Variants in ZNF747 observed in about 807,000 individuals in gnomAD.
ZNF747 encodes the protein zinc finger protein 747.
ZNF747 carries 14 observed loss-of-function variants against 13.4 expected under a neutral mutation model. The ratio of observed to expected loss-of-function variants is 1.04; its 90% CI spans 0.69 to 1.63. The LOEUF is 1.63. Among genes scored for constraint, ZNF747 ranks in the 40% most tolerant of loss-of-function variants. The pLI is 0.00. For synonymous variants in ZNF747, 212 were observed against 206.5 expected (o/e 1.03, Z -0.23); for missense variants, 532 against 477.9 (o/e 1.11, Z -1.05).
chr16:30,534,573 G>A lies in ZNF747; in HGVS notation c.107C>T (p.Ala36Val), dbSNP rs2051429858. ...CACGGCCACGTCGGCGAAGCTCACGGCCCCGGGCTTTCTCCACTCGGATCC... is the reference window on the plus strand; with the variant it reads ...CACGGCCACGTCGGCGAAGCTCACGACCCCGGGCTTTCTCCACTCGGATCC... ...GAGSEWRKPG[A>V]VSFADVAVYF... Residue 36 changes from alanine to valine, a missense_variant, in exon 1 of 3, where the codon GCC becomes GTC. Transcript: ENST00000693075. The A allele has an allele frequency of 6.2e-7, 1 of 1,604,726 alleles. No individual in the cohort carries two copies. Among genetic ancestry groups the A allele is most frequent in the Non-Finnish European group, 8.5e-7 (1 of 1,176,692 alleles).
chr16:30,532,614 C>T lies in ZNF747; in HGVS notation c.881G>A (p.Gly294Glu), dbSNP rs1363520702. ...CCCCCCAGGGCGCCGGCCCCTACGCCCCTCGCCCCCGGGCCGATGGACCCA... is the reference window on the plus strand; with the variant it reads ...CCCCCCAGGGCGCCGGCCCCTACGCTCCTCGCCCCCGGGCCGATGGACCCA... ...HQWVHRPGGE[G>E]RRGRRPGGLS... The change falls in exon 3 of 3, where the codon GGG (glycine) becomes GAG (glutamate). Residue 294 changes from glycine to glutamate, a missense_variant. By Grantham distance (98) the Gly-to-Glu change is moderately conservative. Transcript: ENST00000693075. The T allele has an allele frequency of 3.2e-6, 5 of 1,550,718 alleles. No individual in the cohort carries two copies. In the East Asian group the frequency reaches 9.7e-5, roughly 30 times the overall value.
Position 30,530,828 on chromosome 16 carries a change from C to T in ZNF747, c.*1671G>A, listed in dbSNP as rs936947394. 3.3e-5 allele frequency: 5 copies of T among 152,356 alleles called. No individual in the cohort carries two copies. The highest frequency in any genetic ancestry group is 7.3e-5 in the Non-Finnish European group (5 of 68,122). 9.4% of individuals were successfully genotyped at this position (152,356 alleles called of 1,614,324 possible). A position where few individuals can be genotyped will look rare whatever the true frequency, so the allele number is the denominator to read the frequency against. On this transcript the variant is annotated 3_prime_UTR_variant, in exon 3 of 3. Coordinates refer to ENST00000693075, the MANE Select transcript of ZNF747 (RefSeq NM_001305018.2). The surrounding 1 kb of genome is among the most constrained non-coding windows in gnomAD (Gnocchi z 4.4). ...CACAGGCCAGCAGAGGTCACAGGCCCTTGCTCTCCTTGGGCAGGTGTTGTC... is the reference window on the plus strand; with the variant it reads ...CACAGGCCAGCAGAGGTCACAGGCCTTTGCTCTCCTTGGGCAGGTGTTGTC...
Position 30,532,306 on chromosome 16 carries a change from T to C in ZNF747, c.*193A>G. 1 of 665,568 alleles carries C rather than the reference T, an allele frequency of 1.5e-6. No individual in the cohort carries two copies. The highest frequency in any genetic ancestry group is 2.5e-6 in the Non-Finnish European group (1 of 394,196). 41.2% of individuals were successfully genotyped at this position (665,568 alleles called of 1,614,324 possible). A position where few individuals can be genotyped will look rare whatever the true frequency, so the allele number is the denominator to read the frequency against. ...CAGCCCTGCCTCAGCAAAGGGGGCC[T>C]TGGAGAGCCCAGGGCAGCGGGGAGC... On this transcript the variant is annotated 3_prime_UTR_variant, in exon 3 of 3. Coordinates refer to ENST00000693075, the MANE Select transcript of ZNF747 (RefSeq NM_001305018.2).
At chr16:30,533,517 G>A (rs1033401481) in intron 2 of ZNF747, among the ~76,000 whole-genome samples, 2 of 152,066 alleles carry the variant, frequency 1.3e-5, no homozygotes, top group Non-Finnish European at 2.9e-5. Context: ...GCTGAGGCAA[G>A]AACTAAAGGA....
Position 30,534,628 on chromosome 16 carries a change from G to A in ZNF747, c.52C>T (p.Pro18Ser), listed in dbSNP as rs575337527. The A allele has an allele frequency of 3.2e-6, 5 of 1,581,890 alleles. No individual in the cohort carries two copies. In the African/African-American group the frequency reaches 5.4e-5, roughly 17 times the overall value. ...LTVPMAPPLA[P>S]LPPRDPNGAG... ...CCGTTTGGGTCCCGGGGAGGGAGCG[G>A]GGCCAGAGGCGGCGCCATGGGGACT... Residue 18 changes from proline (P) to serine (S), a missense_variant, in exon 1 of 3, where the codon CCG becomes TCG. Transcript: ENST00000693075.
rs1167363497 is a variant in ZNF747 at position 30,531,198 on chromosome 16, T to C, written c.*1301A>G. 6.6e-6 allele frequency: 1 copy of C among 152,258 alleles called. No individual in the cohort carries two copies. The highest frequency in any genetic ancestry group is 1.5e-5 in the Non-Finnish European group (1 of 68,048). 9.4% of individuals were successfully genotyped at this position (152,258 alleles called of 1,614,324 possible). A position where few individuals can be genotyped will look rare whatever the true frequency, so the allele number is the denominator to read the frequency against. On this transcript the variant is annotated 3_prime_UTR_variant, in exon 3 of 3. Coordinates refer to ENST00000693075, the MANE Select transcript of ZNF747 (RefSeq NM_001305018.2). ...CAAAAACACTAAAAGCAAGCCATGA[T>C]GAATGGCTACTCATGCTTGGTCAGG...
rs760536766 is a variant in ZNF747, at chr16:30,532,921, C to A, written c.574G>T (p.Ala192Ser). The change falls in exon 3 of 3, where the codon GCC becomes TCC. Residue 192 changes from alanine to serine, a missense_variant. Physicochemically the swap from Ala to Ser is moderately conservative, Grantham distance 99. Transcript: ENST00000693075. Reference sequence around the variant, plus strand: ...TGCTCCACCAGTGTGGAGCGCCAGGCGAAGCTCTTCCCGCACACGTAGCAG... The same window carrying A: ...TGCTCCACCAGTGTGGAGCGCCAGGAGAAGCTCTTCCCGCACACGTAGCAG... Reference protein sequence around the residue: ...HGCYVCGKSFAWRSTLVEHIY... With the variant: ...HGCYVCGKSFSWRSTLVEHIY... 1 of 1,603,488 alleles carries A rather than the reference C, an allele frequency of 6.2e-7. No homozygotes were observed.
In ZNF747 at chr16:30,533,271, A is replaced by C. The variant is rs1361819565; in HGVS notation, c.344-120T>G. ...ACTGCTCCTAGGAGATGGAGGAGTG[A>C]CACCTGTTCCTCGGCTGCAGAGCCA... On this transcript the variant is annotated intron_variant, in intron 2 of 2. Coordinates refer to ENST00000693075, the MANE Select transcript of ZNF747 (RefSeq NM_001305018.2). The C allele has an allele frequency of 4.6e-6, 6 of 1,305,574 alleles. No individual in the cohort carries two copies. The African/African-American group carries it at 7.3e-5, about 16-fold the overall frequency. The allele number at this position is 1,305,574 out of a possible 1,614,324, so 80.9% of individuals were successfully genotyped here. A position where few individuals can be genotyped will look rare whatever the true frequency, so the allele number is the denominator to read the frequency against.
chr16:30,534,471 T>C lies in ZNF747; in HGVS notation c.209A>G (p.Tyr70Cys), dbSNP rs750210660. 6.2e-7 allele frequency: 1 copy of C among 1,600,530 alleles called. No homozygotes were observed. Among genetic ancestry groups the C allele is most frequent in the East Asian group, 2.3e-5 (1 of 44,068 alleles). ...CTCACCGAGCGCGCCCAGGTGGCCGTAGGTCTCCCGCATCACGTCCCGGTA... is the reference window on the plus strand; with the variant it reads ...CTCACCGAGCGCGCCCAGGTGGCCGCAGGTCTCCCGCATCACGTCCCGGTA... ...ALYRDVMRET[Y>C]GHLGALGVGG... is the part of the protein sequence containing the mutation. The change falls in exon 1 of 3, where the codon TAC becomes TGC. Residue 70 changes from tyrosine to cysteine, a missense_variant. Transcript: ENST00000693075.
Position 30,534,770 on chromosome 16 carries a change from G to C in ZNF747, c.-91C>G, listed in dbSNP as rs2051433603. The C allele has an allele frequency of 7.0e-7, 1 of 1,437,798 alleles. No homozygotes were observed. The highest frequency in any genetic ancestry group is 9.1e-7 in the Non-Finnish European group (1 of 1,098,430). 89.1% of individuals were successfully genotyped at this position (1,437,798 alleles called of 1,614,324 possible). A position where few individuals can be genotyped will look rare whatever the true frequency, so the allele number is the denominator to read the frequency against. On this transcript the variant is annotated 5_prime_UTR_variant, in exon 1 of 3. Coordinates refer to ENST00000693075, the MANE Select transcript of ZNF747 (RefSeq NM_001305018.2). ...CAAGGGAAGGAGGGACGTCAGTAGAGCCCCCGAAGGCCCACTAGAGGGGAT... is the reference window on the plus strand; with the variant it reads ...CAAGGGAAGGAGGGACGTCAGTAGACCCCCCGAAGGCCCACTAGAGGGGAT...
chr16:30,534,623 G>T lies in ZNF747; in HGVS notation c.57C>A (p.Leu19=). The change falls in exon 1 of 3, where the codon CTC becomes CTA. Residue 19 remains leucine (L), a synonymous_variant. Transcript: ENST00000693075. ...CCGCCCCGTTTGGGTCCCGGGGAGG[G>T]AGCGGGGCCAGAGGCGGCGCCATGG... ...TVPMAPPLAP[L]PPRDPNGAGS... is the part of the protein sequence containing the mutation. The T allele has an allele frequency of 1.3e-6, 2 of 1,585,742 alleles. No homozygotes were observed. Among genetic ancestry groups the T allele is most frequent in the South Asian group, 1.1e-5 (1 of 87,730 alleles).
At chr16:30,533,294 C>T (rs2051407501) in intron 2 of ZNF747, 143 bp from the exon 3 acceptor site, 1 of 1,100,900 alleles carries the variant, frequency 9.1e-7, no homozygotes, top group Non-Finnish European at 1.3e-6. Context: ...GGCTGCAGAG[C>T]CAGACAGAGC....
rs1312802962 is a variant in ZNF747, at chr16:30,531,069, A to T, written c.*1430T>A. The T allele has an allele frequency of 6.6e-6, 1 of 152,282 alleles. No homozygotes were observed. Among genetic ancestry groups the T allele is most frequent in the Non-Finnish European group, 1.5e-5 (1 of 68,058 alleles). 9.4% of individuals were successfully genotyped at this position (152,282 alleles called of 1,614,324 possible). On this transcript the variant is annotated 3_prime_UTR_variant, in exon 3 of 3. Transcript: ENST00000693075. Reference sequence around the variant, plus strand: ...TGGCACATACTTAAAGACAGCAAAGATGGTGCGTACCTAAAGACAGGAAAG... The same window carrying T: ...TGGCACATACTTAAAGACAGCAAAGTTGGTGCGTACCTAAAGACAGGAAAG...
In ZNF747 at chr16:30,532,336, T is replaced by G; in HGVS notation, c.*163A>C. ...GAGCCCAGGGCAGCGGGGAGCAAGG[T>G]GCTGGCAGAAGAGGCTGCTGAGAGC... On this transcript the variant is annotated 3_prime_UTR_variant, in exon 3 of 3. Coordinates refer to ENST00000693075, the MANE Select transcript of ZNF747 (RefSeq NM_001305018.2). The G allele has an allele frequency of 1.3e-6, 1 of 793,098 alleles. No individual in the cohort carries two copies. Among genetic ancestry groups the G allele is most frequent in the Non-Finnish European group, 2.0e-6 (1 of 502,390 alleles). 49.1% of individuals were successfully genotyped at this position (793,098 alleles called of 1,614,324 possible). A position where few individuals can be genotyped will look rare whatever the true frequency, so the allele number is the denominator to read the frequency against.
rs1567502921 is a variant in ZNF747 at position 30,533,151 on chromosome 16, G to C, written c.344C>G (p.Ala115Gly). 1 of 1,612,218 alleles carries C rather than the reference G, an allele frequency of 6.2e-7. No individual in the cohort carries two copies. The highest frequency in any genetic ancestry group is 8.5e-7 in the Non-Finnish European group (1 of 1,180,012). ...VAKCPTEADP[A>G]DSRNKEEERQ... ...TTCCTCTTCCTTGTTTCTGGAATCT[G>C]CTGAAAGATAAGGAGGCGAGAGTTC... The change falls in exon 3 of 3, where the codon GCA (alanine) becomes GGA (glycine). Residue 115 changes from alanine to glycine, a missense_variant and splice_region_variant. Coordinates refer to ENST00000693075, the MANE Select transcript of ZNF747 (RefSeq NM_001305018.2).
chr16:30,532,852 A>G lies in ZNF747; in HGVS notation c.643T>C (p.Cys215Arg). The G allele has an allele frequency of 1.3e-6, 2 of 1,586,832 alleles. No homozygotes were observed. Among genetic ancestry groups the G allele is most frequent in the Non-Finnish European group, 1.7e-6 (2 of 1,169,574 alleles). Reference sequence around the variant, plus strand: ...GAAGCGTGGCCGAAGCCCTTGCCGCAGTCTGCGCAGTGGAAGGGCTTCTCG... The same window carrying G: ...GAAGCGTGGCCGAAGCCCTTGCCGCGGTCTGCGCAGTGGAAGGGCTTCTCG... Reference protein sequence around the residue: ...RGEKPFHCADCGKGFGHASSL... With the variant: ...RGEKPFHCADRGKGFGHASSL... Residue 215 changes from cysteine (C) to arginine (R), a missense_variant, in exon 3 of 3, where the codon TGC becomes CGC. Coordinates refer to ENST00000693075, the MANE Select transcript of ZNF747 (RefSeq NM_001305018.2).
intron 2 of ZNF747, among the ~76,000 whole-genome samples, chr16:30,533,500 T>G (rs2051409871): frequency 1.3e-5 from 2 of 151,902 alleles, no homozygotes. Flanking sequence ...CTGGATACTC[T>G]GCAAAAGCTG....
chr16:30,534,280 G>T lies in ZNF747; in HGVS notation c.260C>A (p.Ser87Tyr). ...GVGGSKPALI[S>Y]WVEEKAELWD... is the part of the protein sequence containing the mutation. ...CAGTTCGGCCTTCTCCTCCACCCAG[G>T]AGATGAGCGCCGGCTTGCTGCCTCC... The change falls in exon 2 of 3, where the codon TCC becomes TAC. Residue 87 changes from serine to tyrosine, a missense_variant. By Grantham distance (144) the Ser-to-Tyr change is moderately radical. Transcript: ENST00000693075. 6.3e-7 allele frequency: 1 copy of T among 1,591,500 alleles called. No individual in the cohort carries two copies. Among genetic ancestry groups the T allele is most frequent in the South Asian group, 1.1e-5 (1 of 87,812 alleles).
rs1476745162 is a variant in ZNF747, at chr16:30,532,789, G to A, written c.706C>T (p.Arg236Trp). Reference sequence around the variant, plus strand: ...CCACACTCGGGACAGCGGTGGGGCCGCTCCCCACGATGGATGGCCCGGTGT... The same window carrying A: ...CCACACTCGGGACAGCGGTGGGGCCACTCCCCACGATGGATGGCCCGGTGT... Reference protein sequence around the residue: ...SKHRAIHRGERPHRCPECGRA... With the variant: ...SKHRAIHRGEWPHRCPECGRA... The change falls in exon 3 of 3, where the codon CGG (arginine) becomes TGG (tryptophan). Residue 236 changes from arginine (R) to tryptophan (W), a missense_variant. Physicochemically the swap from Arg to Trp is moderately radical, Grantham distance 101 (BLOSUM62 -3). Coordinates refer to ENST00000693075, the MANE Select transcript of ZNF747 (RefSeq NM_001305018.2). The A allele has an allele frequency of 4.5e-6, 7 of 1,555,616 alleles. No homozygotes were observed. Among genetic ancestry groups the A allele is most frequent in the Admixed American group, 1.9e-5 (1 of 51,776 alleles).
Sources: gnomAD v4.1 joint callset for allele counts (sites outside exome capture counted in the v4.1 genomes callset) on GRCh38, gnomAD v4.1.1 for gene constraint, Gnocchi (gnomAD v3.1) non-coding constraint, MANE v1.5 for transcripts, NCBI Gene and HGNC (gene_info 2026-07-23, HGNC 2026-07-21) for gene names.